GGTLC1: variants seen among roughly 807,000 people sequenced by gnomAD.
The protein encoded by GGTLC1 is glutathione hydrolase light chain 1.
A neutral mutation model predicts 19.5 loss-of-function variants in GGTLC1; 14 were observed. The observed-to-expected ratio is 0.72, with a 90% CI of 0.47 to 1.12. GGTLC1 has a LOEUF of 1.12. Ranked by LOEUF, GGTLC1 falls within the 50% of genes most tolerant of loss-of-function variation. The pLI, the probability that GGTLC1 is intolerant of heterozygous loss-of-function variation, is 0.00. For synonymous variants in GGTLC1, 110 were observed against 124.2 expected, an observed-to-expected ratio of 0.89 and a Z score of 0.76; for missense variants, 304 against 309.2, an observed-to-expected ratio of 0.98 and a Z score of 0.13.
rs761445371 is a variant in GGTLC1, at chr20:23,985,264, C to T, written c.630G>A (p.Trp210Ter). The T allele has an allele frequency of 2.4e-5, 39 of 1,611,918 alleles. No homozygotes were observed. Among genetic ancestry groups the T allele is most frequent in the African/African-American group, 4.0e-5 (3 of 74,856 alleles). ...VQAIVRMAGG[W>*]AAASDSRKGG... ...CTTTCCTGGAGTCCGAGGCAGCTGC[C>T]CAGCCACCAGCCATGCGGACGATGG... The change falls in exon 6 of 6, where the codon TGG becomes TGA. Residue 210 changes from tryptophan to a stop codon, truncating the protein, a stop_gained. Transcript: ENST00000335694. LOFTEE classifies it high-confidence loss of function.
At chr20:23,987,530 G>A (rs1988002747) in intron 1 of GGTLC1, among the ~76,000 whole-genome samples, 1 of 151,992 alleles carries the variant, frequency 6.6e-6, no homozygotes, top group Admixed American at 6.5e-5. Flanking sequence ...TGAAGAGCAT[G>A]GGTGCACGTA....
intron 2 of GGTLC1, 109 bp from the exon 3 acceptor site, chr20:23,986,312 C>G (rs1030933374): frequency 1.9e-6 from 3 of 1,604,788 alleles, no homozygotes; most frequent in Non-Finnish European, 2.6e-6. Context: ...GATAAGCTAC[C>G]AAGGTTGGGC....
intron 1 of GGTLC1, among the ~76,000 whole-genome samples, chr20:23,987,313 G>A (rs1246208177): frequency 1.3e-5 from 2 of 152,236 alleles, no homozygotes; most frequent in Non-Finnish European, 2.9e-5. Context: ...AGGCTGGGGA[G>A]TGTTTTCACA....
At position 23,986,580 on chromosome 20, in the gene GGTLC1, C is replaced by G; in HGVS notation, c.32G>C (p.Arg11Pro). 6.6e-7 allele frequency: 1 copy of G among 1,521,114 alleles called. No individual in the cohort carries two copies. The highest frequency in any genetic ancestry group is 1.1e-5 in the South Asian group (1 of 89,702). 94.2% of individuals were successfully genotyped at this position (1,521,114 alleles called of 1,614,324 possible). Residue 11 changes from arginine to proline, a missense_variant, in exon 2 of 6, where the codon CGG (arginine) becomes CCG (proline). Coordinates refer to ENST00000335694, the MANE Select transcript of GGTLC1 (RefSeq NM_178311.3). MTSEFFSAQL[R>P]AQISDDTTHP... ...AGTGGTGTCGTCAGAGATCTGGGCC[C>G]GGAGCTGGGCAGAGAAGAACTCGGA...
intron 1 of GGTLC1, among the ~76,000 whole-genome samples, 183 bp downstream of exon 1, chr20:23,988,426 T>C (rs1988077778): frequency 6.6e-6 from 1 of 152,054 alleles, no homozygotes; most frequent in South Asian, 2.1e-4. Flanking sequence ...CGATCTCAGC[T>C]CACTGCAATC....
In GGTLC1 at chr20:23,986,516, C is replaced by A. The variant is rs1194935653; in HGVS notation, c.96G>T (p.Pro32=). The A allele has an allele frequency of 6.2e-7, 1 of 1,611,864 alleles. No individual in the cohort carries two copies. The highest frequency in any genetic ancestry group is 1.7e-5 in the Admixed American group (1 of 59,986). The change falls in exon 2 of 6, where the codon CCG becomes CCT. Residue 32 remains proline (P), a synonymous_variant. Coordinates refer to ENST00000335694, the MANE Select transcript of GGTLC1 (RefSeq NM_178311.3). ...ACAGGTGAGCAGTGCCCCCGTCATCCGGCATGTAGAACTCGGGCTTGTAGT... is the reference window on the plus strand; with the variant it reads ...ACAGGTGAGCAGTGCCCCCGTCATCAGGCATGTAGAACTCGGGCTTGTAGT... ...ISYYKPEFYM[P]DDGGTAHLSV...
At chr20:23,986,779 T>C in intron 1 of GGTLC1, 134 bp from the exon 2 acceptor site, 1 of 1,429,414 alleles carries the variant, frequency 7.0e-7, no homozygotes, top group Non-Finnish European at 9.4e-7. Flanking sequence ...CCCAGGACCT[T>C]GCATGACCAG....
chr20:23,988,063 AAAAAAG>A (rs1988046130), intron 1 of GGTLC1, among the ~76,000 whole-genome samples: 2 of 105,448 alleles, frequency 1.9e-5, no homozygotes, highest in Non-Finnish European at 1.9e-5. Flanking sequence ...AAAAAAAAAA[AAAAAAG>A]AGTCTGGCTC....
At chr20:23,985,443 C>G (rs1987820642) in intron 5 of GGTLC1, 81 bp from the exon 6 acceptor site, 1 of 1,609,876 alleles carries the variant, frequency 6.2e-7, no homozygotes, top group African/African-American at 1.3e-5. Context: ...CAGGCCTCAG[C>G]CCAGGTGGTG....
At chr20:23,988,585 C>G in intron 1 of GGTLC1, 24 bp downstream of exon 1, 1 of 962,804 alleles carries the variant, frequency 1.0e-6, no homozygotes, top group Non-Finnish European at 1.2e-6. Flanking sequence ...CCCGCCATTG[C>G]CAGCAAGTGC....
chr20:23,988,068 A>AAG (rs1555789436), intron 1 of GGTLC1, among the ~76,000 whole-genome samples: 1 of 57,734 alleles, frequency 1.7e-5, no homozygotes, highest in Non-Finnish European at 3.4e-5. Flanking sequence ...AAAAAAAAAA[A>AAG]GAGTCTGGCT....
In GGTLC1 at chr20:23,986,163, G is replaced by C. The variant is rs980541700; in HGVS notation, c.217C>G (p.Leu73Val). 6.2e-7 allele frequency: 1 copy of C among 1,613,494 alleles called. No individual in the cohort carries two copies. The highest frequency in any genetic ancestry group is 1.3e-5 in the African/African-American group (1 of 74,910). Residue 73 changes from leucine to valine, a missense_variant, in exon 3 of 6, where the codon CTC becomes GTC. Leu to Val is a conservative substitution (Grantham distance 32). Transcript: ENST00000335694. Reference sequence around the variant, plus strand: ...CTGAAGTCATCCATTTCATTATTGAGCAGGATCCCGCTGACTGGGGAGCGC... The same window carrying C: ...CTGAAGTCATCCATTTCATTATTGACCAGGATCCCGCTGACTGGGGAGCGC... The part of the protein sequence containing the change: ...KVRSPVSGIL[L>V]NNEMDDFSST...
chr20:23,985,885 G>A lies in GGTLC1; in HGVS notation c.394C>T (p.Gln132Ter), dbSNP rs764304750. 4 of 1,612,048 alleles carry A rather than the reference G, an allele frequency of 2.5e-6. No homozygotes were observed. The highest frequency in any genetic ancestry group is 2.3e-4 in the Middle Eastern group (1 of 4,430). Residue 132 changes from glutamine to a stop codon, truncating the protein, a stop_gained, in exon 4 of 6, where the codon CAG becomes TAG. Transcript: ENST00000335694. LOFTEE classifies it high-confidence loss of function. ...ACCAGTGCAGTGGCCATGGTGATCTGCGTGCCCCCGGCAGCTCCCACCACC... is the reference window on the plus strand; with the variant it reads ...ACCAGTGCAGTGGCCATGGTGATCTACGTGCCCCCGGCAGCTCCCACCACC... ...RMVVGAAGGT[Q>*]ITMATALAII...
rs1270419306 is a variant in GGTLC1, at chr20:23,987,916, G to A, written c.-35+693C>T. Among the ~76,000 whole-genome samples the A allele has an allele frequency of 5.7e-5, 8 of 139,568 alleles. No homozygotes were observed. In the East Asian group the frequency reaches 6.4e-4, roughly 11 times the overall value. The allele number at this position is 139,568 out of a possible 152,430, so 91.6% of individuals were successfully genotyped here. ...TACAAAAAATTAGCCGGGTGTGGTG[G>A]CGGGCGCCTGTAGTCCCAACTCCAG... is the stretch of plus-strand genomic sequence containing the variant. On this transcript the variant is annotated intron_variant, in intron 1 of 5. Transcript: ENST00000335694.
intron 1 of GGTLC1, among the ~76,000 whole-genome samples, chr20:23,987,449 C>T (rs1987996865): frequency 6.6e-6 from 1 of 152,068 alleles, no homozygotes; most frequent in Admixed American, 6.5e-5. Flanking sequence ...CGCCGACTAG[C>T]GAGGTAAACT....
At chr20:23,986,377 C>T (rs1568598795) in intron 2 of GGTLC1, 59 bp downstream of exon 2, 18 of 1,601,486 alleles carry the variant, frequency 1.1e-5, no homozygotes, top group Non-Finnish European at 1.4e-5. Flanking sequence ...GATAAGTGGG[C>T]AGTCCCTGAG....
In GGTLC1 at chr20:23,986,188, C is replaced by A; in HGVS notation, c.192G>T (p.Val64=). Residue 64 remains valine, a synonymous_variant, in exon 3 of 6, where the codon GTG becomes GTT. Coordinates refer to ENST00000335694, the MANE Select transcript of GGTLC1 (RefSeq NM_178311.3). Reference sequence around the variant, plus strand: ...GCAGGATCCCGCTGACTGGGGAGCGCACCTTGGAGCCAAAGCTATCGCCCA... The same window carrying A: ...GCAGGATCCCGCTGACTGGGGAGCGAACCTTGGAGCCAAAGCTATCGCCCA... The part of the protein sequence containing the change: ...STINLYFGSK[V]RSPVSGILLN... 6.2e-7 allele frequency: 1 copy of A among 1,611,250 alleles called. No homozygotes were observed. Among genetic ancestry groups the A allele is most frequent in the Non-Finnish European group, 8.5e-7 (1 of 1,178,638 alleles).
intron 1 of GGTLC1, among the ~76,000 whole-genome samples, chr20:23,987,542 A>C (rs1191129294): frequency 6.7e-6 from 1 of 149,416 alleles, no homozygotes; most frequent in Non-Finnish European, 1.5e-5. Flanking sequence ...GTGCACGTAT[A>C]AAAAAAATAA....
At position 23,985,100 on chromosome 20, in the gene GGTLC1, C is replaced by T. The variant is rs1330521702; in HGVS notation, c.*116G>A. ...CACCTGGAGCCTGGCACAGTGGCCT[C>T]ATTTATTGTGCTGCTCTGCTGCTCA... On this transcript the variant is annotated 3_prime_UTR_variant, in exon 6 of 6. Transcript: ENST00000335694. 2.1e-5 allele frequency: 32 copies of T among 1,503,610 alleles called. No homozygotes were observed. The Admixed American group carries it at 5.6e-4, about 26-fold the overall frequency. 93.1% of individuals were successfully genotyped at this position (1,503,610 alleles called of 1,614,324 possible).
Sources: allele counts gnomAD v4.1 joint callset (sites outside exome capture counted in the v4.1 genomes callset), GRCh38; gene constraint gnomAD v4.1.1; transcripts MANE v1.5; gene names NCBI Gene and HGNC (gene_info 2026-07-23, HGNC 2026-07-21).